FBXW7: variants seen among roughly 807,000 people sequenced by gnomAD.
The protein encoded by FBXW7 is F-box and WD repeat domain containing 7, also known as F-box/WD repeat-containing protein 7.
A neutral mutation model predicts 86.3 loss-of-function variants in FBXW7; 11 were observed. The ratio of observed to expected loss-of-function variants is 0.13; its 90% confidence interval spans 0.08 to 0.21. FBXW7 has a LOEUF of 0.21. Ranked by LOEUF, FBXW7 falls within the 10% of genes least tolerant of loss-of-function variation. The pLI is 1.00. For synonymous variants in FBXW7, 313 were observed against 297.9 expected, an observed-to-expected ratio of 1.05 and a Z score of -0.52; for missense variants, 488 against 847.4, an observed-to-expected ratio of 0.58 and a Z score of 5.27.
At chr4:152,468,689 C>T (rs1011743834) in intron 2 of FBXW7, among the ~76,000 whole-genome samples, 8 of 152,074 alleles carry the variant, frequency 5.3e-5, no homozygotes, top group Admixed American at 2.6e-4. Flanking sequence ...TAAAATATCA[C>T]TGAATTGTAC....
chr4:152,455,230 G>A (rs1426685780), intron 2 of FBXW7, among the ~76,000 whole-genome samples: 2 of 152,180 alleles, frequency 1.3e-5, no homozygotes, highest in Non-Finnish European at 2.9e-5. Flanking sequence ...GCAAATGTAT[G>A]TATAAATGAT....
intron 4 of FBXW7, among the ~76,000 whole-genome samples, chr4:152,403,410 G>A (rs1343509528): frequency 2.0e-5 from 3 of 151,782 alleles, no homozygotes; most frequent in Non-Finnish European, 2.9e-5. Flanking sequence ...CCTGGGAGGT[G>A]GAGGCTGCAG....
At chr4:152,443,832 G>C (rs1314871947) in intron 2 of FBXW7, among the ~76,000 whole-genome samples, 1 of 152,130 alleles carries the variant, frequency 6.6e-6, no homozygotes, top group Non-Finnish European at 1.5e-5. Flanking sequence ...TTCAGAGAAA[G>C]TTTGCAACTG....
chr4:152,502,375 C>A (rs962525663), intron 2 of FBXW7, among the ~76,000 whole-genome samples: 1 of 152,070 alleles, frequency 6.6e-6, no homozygotes, highest in Non-Finnish European at 1.5e-5. Flanking sequence ...TAGTATTACA[C>A]ATAAAAATAC....
chr4:152,461,813 T>G (rs1010348189), intron 2 of FBXW7, among the ~76,000 whole-genome samples: 11 of 152,234 alleles, frequency 7.2e-5, no homozygotes, highest in Non-Finnish European at 1.0e-4. Context: ...TCGTATGGAC[T>G]CAAACTGCAA....
At chr4:152,328,573 T>A in intron 10 of FBXW7, 184 bp from the exon 11 acceptor site, 1 of 435,234 alleles carries the variant, frequency 2.3e-6, no homozygotes, top group Non-Finnish European at 4.0e-6. Context: ...AAAAGCATTA[T>A]AAATTTATAT....
At chr4:152,487,063 C>A (rs1411046593) in intron 2 of FBXW7, among the ~76,000 whole-genome samples, 2 of 151,990 alleles carry the variant, frequency 1.3e-5, no homozygotes, top group Non-Finnish European at 2.9e-5. Flanking sequence ...AACCATGAGC[C>A]CTTAGTGAAA....
chr4:152,341,894 A>G (rs1730781790), intron 6 of FBXW7, among the ~76,000 whole-genome samples: 1 of 152,176 alleles, frequency 6.6e-6, no homozygotes, highest in African/African-American at 2.4e-5. Context: ...GAGATAACTG[A>G]ATTGGGGATC....
In FBXW7 at chr4:152,403,339, G is replaced by A. The variant is rs562639525; in HGVS notation, c.501+7964C>T. ...CTAAAAATACAAAAATTAGCTGGAC[G>A]TGGTGGCAAACACCTGTAATCCCAG... is the stretch of plus-strand genomic sequence containing the variant. On this transcript the variant is annotated intron_variant, in intron 4 of 13. Coordinates refer to ENST00000281708, the MANE Select transcript of FBXW7 (RefSeq NM_001349798.2). 7.2e-5 allele frequency among the ~76,000 whole-genome samples: 11 copies of A among 152,168 alleles called. No individual in the cohort carries two copies. In the East Asian group the frequency reaches 1.7e-3, roughly 24 times the overall value.
chr4:152,385,804 T>C (rs982664002), intron 4 of FBXW7, among the ~76,000 whole-genome samples: 2 of 152,202 alleles, frequency 1.3e-5, no homozygotes, highest in African/African-American at 4.8e-5. Context: ...GCATTGCAAC[T>C]GTGGCAAACC....
chr4:152,455,249 T>C (rs1049411843), intron 2 of FBXW7, among the ~76,000 whole-genome samples: 2 of 152,220 alleles, frequency 1.3e-5, no homozygotes, highest in Non-Finnish European at 2.9e-5. Flanking sequence ...ATTGCTGCTA[T>C]ACCCAGGCAA....
intron 6 of FBXW7, among the ~76,000 whole-genome samples, chr4:152,345,517 T>TG (rs1465441829): frequency 6.6e-6 from 1 of 152,118 alleles, no homozygotes; most frequent in Non-Finnish European, 1.5e-5. Context: ...TCCTTTGTAT[T>TG]GCCTCTACTT....
At chr4:152,326,321 C>T in intron 11 of FBXW7, 90 bp from the exon 12 acceptor site, 1 of 736,522 alleles carries the variant, frequency 1.4e-6, no homozygotes, top group Non-Finnish European at 2.2e-6. Flanking sequence ...TAGATTTAGT[C>T]AAGGTTTTTT....
At chr4:152,456,728 A>G (rs1742455144) in intron 2 of FBXW7, among the ~76,000 whole-genome samples, 1 of 152,176 alleles carries the variant, frequency 6.6e-6, no homozygotes, top group African/African-American at 2.4e-5. Flanking sequence ...TGTCCATACC[A>G]AGAATTCTGA....
chr4:152,401,549 T>C (rs947834958), intron 4 of FBXW7, among the ~76,000 whole-genome samples: 4 of 152,144 alleles, frequency 2.6e-5, no homozygotes, highest in African/African-American at 7.2e-5. Flanking sequence ...AAGGGATGAA[T>C]AGGCAGAACA....
At chr4:152,505,121 T>C (rs1747291374) in intron 2 of FBXW7, among the ~76,000 whole-genome samples, 1 of 152,138 alleles carries the variant, frequency 6.6e-6, no homozygotes, top group Non-Finnish European at 1.5e-5. Flanking sequence ...TGTATGCAAC[T>C]GTAGCACAAT....
chr4:152,368,943 A>C (rs1733741333), intron 4 of FBXW7, among the ~76,000 whole-genome samples: 1 of 152,080 alleles, frequency 6.6e-6, no homozygotes. Flanking sequence ...GAATCTACAT[A>C]ATGTAAGTAG....
chr4:152,339,922 CAAAAAAAAAAA>C (rs1227838925), intron 6 of FBXW7, among the ~76,000 whole-genome samples: 3 of 66,354 alleles, frequency 4.5e-5, no homozygotes, highest in African/African-American at 1.0e-4. Flanking sequence ...GGCTTTGTCT[CAAAAAAAAAAA>C]AAAAAAAAAA....
chr4:152,459,444 T>C (rs764231163), intron 2 of FBXW7, among the ~76,000 whole-genome samples: 1 of 152,206 alleles, frequency 6.6e-6, no homozygotes, highest in East Asian at 1.9e-4. Flanking sequence ...CTGTTGTATG[T>C]ATACATACAC....
Sources: allele counts gnomAD v4.1 joint callset (sites outside exome capture counted in the v4.1 genomes callset), GRCh38; gene constraint gnomAD v4.1.1; transcripts MANE v1.5; gene names NCBI Gene and HGNC (gene_info 2026-07-23, HGNC 2026-07-21).